PLCB4: variants seen among roughly 807,000 people sequenced by gnomAD.
PLCB4 encodes the protein 1-phosphatidylinositol 4,5-bisphosphate phosphodiesterase beta-4.
A neutral mutation model predicts 178.8 loss-of-function variants in PLCB4; 77 were observed. That is an observed-to-expected ratio of 0.43 (90% CI 0.36 to 0.52). The LOEUF (loss-of-function observed/expected upper bound fraction) is 0.52. Among genes scored for constraint, PLCB4 ranks in the 20% least tolerant of loss-of-function variants. The pLI is 0.00. For synonymous variants in PLCB4, 496 were observed against 490.8 expected (o/e 1.01, Z -0.14); for missense variants, 1,024 against 1,453.4 (o/e 0.70, Z 4.80).
At chr20:9,148,933 G>A (rs1337659716) in intron 2 of PLCB4, among the ~76,000 whole-genome samples, 1 of 152,176 alleles carries the variant, frequency 6.6e-6, no homozygotes, top group Non-Finnish European at 1.5e-5. Flanking sequence ...TAAGTGTAAG[G>A]TGTTGTTATT....
intron 2 of PLCB4, among the ~76,000 whole-genome samples, chr20:9,182,499 A>C (rs1275545906): frequency 2.0e-5 from 3 of 152,182 alleles, no homozygotes; most frequent in African/African-American, 7.2e-5. Flanking sequence ...GGAACCTGTG[A>C]GCTATTACAG....
At chr20:9,284,207 C>G (rs2094517993) in intron 3 of PLCB4, among the ~76,000 whole-genome samples, 1 of 151,834 alleles carries the variant, frequency 6.6e-6, no homozygotes, top group Non-Finnish European at 1.5e-5. Flanking sequence ...TTCTGAGTGG[C>G]CAGGAAAAGC....
At chr20:9,120,654 C>G (rs1446125002) in intron 2 of PLCB4, among the ~76,000 whole-genome samples, 1 of 152,126 alleles carries the variant, frequency 6.6e-6, no homozygotes, top group East Asian at 1.9e-4. Flanking sequence ...TGTTCCTGCA[C>G]TCCCTTGACC....
chr20:9,473,702 A>G (rs1250285150), intron 38 of PLCB4, among the ~76,000 whole-genome samples: 7 of 152,292 alleles, frequency 4.6e-5, no homozygotes, highest in African/African-American at 1.7e-4. Context: ...ATAATTTGCA[A>G]ACTATAGGCA....
chr20:9,320,537 A>G (rs2094948467), intron 4 of PLCB4, among the ~76,000 whole-genome samples: 1 of 152,162 alleles, frequency 6.6e-6, no homozygotes, highest in African/African-American at 2.4e-5. Context: ...AATGTAGCCT[A>G]GTAGGTCTCA....
intron 4 of PLCB4, among the ~76,000 whole-genome samples, chr20:9,336,862 C>T (rs981878364): frequency 2.6e-5 from 4 of 152,120 alleles, no homozygotes; most frequent in Middle Eastern, 3.2e-3. Flanking sequence ...ACTTTCTTCT[C>T]TATGACTTTC....
chr20:9,167,908 A>G (rs2092998876), intron 2 of PLCB4, among the ~76,000 whole-genome samples: 1 of 152,252 alleles, frequency 6.6e-6, no homozygotes, highest in Admixed American at 6.5e-5. Flanking sequence ...TGACTGAAGT[A>G]AACAAAGCAT....
At chr20:9,390,061 T>G (rs2038012890) in intron 16 of PLCB4, 103 bp downstream of exon 16, 1 of 668,348 alleles carries the variant, frequency 1.5e-6, no homozygotes, top group Non-Finnish European at 2.6e-6. Flanking sequence ...ATAGTTTGTT[T>G]TGTGAAGTAC....
chr20:9,258,714 C>CAAAAA (rs969525907), intron 3 of PLCB4, among the ~76,000 whole-genome samples: 6 of 62,776 alleles, frequency 9.6e-5, no homozygotes, highest in African/African-American at 3.2e-4. Context: ...GACTTCCTCT[C>CAAAAA]AAAAAAAAAA....
chr20:9,460,985 C>A (rs1049639922), intron 35 of PLCB4, among the ~76,000 whole-genome samples: 3 of 152,034 alleles, frequency 2.0e-5, no homozygotes, highest in African/African-American at 7.2e-5. Context: ...TTCTTTTTTC[C>A]TTAGAAATGC....
intron 7 of PLCB4, among the ~76,000 whole-genome samples, chr20:9,340,057 T>A (rs1408595449): frequency 6.6e-6 from 1 of 152,154 alleles, no homozygotes; most frequent in Non-Finnish European, 1.5e-5. Flanking sequence ...TGTCTTCTCA[T>A]TAACCCTATA....
At chr20:9,183,860 C>T (rs1212557688) in intron 2 of PLCB4, among the ~76,000 whole-genome samples, 1 of 152,090 alleles carries the variant, frequency 6.6e-6, no homozygotes, top group Non-Finnish European at 1.5e-5. Flanking sequence ...TTAGTTACTT[C>T]ATATAGCTCA....
Position 9,123,336 on chromosome 20 carries a change from A to AT in PLCB4, c.-79+27000dup, listed in dbSNP as rs904644209. The stretch of plus-strand genomic sequence containing the variant: ...AAATATGGCCTGAGTAACATTTCAC[A>AT]TTTTTTCATGGTTAAAGATGCCTTT... On this transcript the variant is annotated intron_variant, in intron 2 of 39. Transcript: ENST00000378473. Among the ~76,000 whole-genome samples, 13 of 151,512 alleles carry AT rather than the reference A, an allele frequency of 8.6e-5. 1 individual carries two copies. In the South Asian group the frequency reaches 1.0e-3, roughly 12 times the overall value.
chr20:9,232,581 A>G (rs975833112), intron 3 of PLCB4, among the ~76,000 whole-genome samples: 6 of 152,156 alleles, frequency 3.9e-5, no homozygotes, highest in African/African-American at 9.6e-5. Context: ...ATTCTTCAAC[A>G]GAAGTATGGA....
intron 33 of PLCB4, among the ~76,000 whole-genome samples, chr20:9,457,011 G>A (rs1649979803): frequency 6.6e-6 from 1 of 152,044 alleles, no homozygotes; most frequent in African/African-American, 2.4e-5. Context: ...ATATTTAAAA[G>A]ACAAAAATCT....
At chr20:9,466,596 A>C (rs1169438528) in intron 35 of PLCB4, among the ~76,000 whole-genome samples, 3 of 152,200 alleles carry the variant, frequency 2.0e-5, no homozygotes, top group Non-Finnish European at 4.4e-5. Context: ...AGAAAAAAAC[A>C]ACCCCATCAA....
At chr20:9,111,542 T>C (rs2146692758) in intron 2 of PLCB4, among the ~76,000 whole-genome samples, 1 of 152,284 alleles carries the variant, frequency 6.6e-6, no homozygotes, top group East Asian at 1.9e-4. Flanking sequence ...TTATAAAATG[T>C]TTATACTCAT....
chr20:9,173,406 C>G (rs1002462779), intron 2 of PLCB4, among the ~76,000 whole-genome samples: 1 of 152,196 alleles, frequency 6.6e-6, no homozygotes, highest in Non-Finnish European at 1.5e-5. Context: ...CACACGCTCT[C>G]CAGTTCCACC....
At chr20:9,166,896 A>G (rs1026787774) in intron 2 of PLCB4, among the ~76,000 whole-genome samples, 2 of 152,138 alleles carry the variant, frequency 1.3e-5, no homozygotes, top group Non-Finnish European at 2.9e-5. Flanking sequence ...ACTTCCCATG[A>G]AAATTGTTAT....
Sources: allele counts gnomAD v4.1 joint callset (sites outside exome capture counted in the v4.1 genomes callset), GRCh38; gene constraint gnomAD v4.1.1; transcripts MANE v1.5; gene names NCBI Gene and HGNC (gene_info 2026-07-23, HGNC 2026-07-21).